IFNG-AS1: variants seen among roughly 807,000 people sequenced by gnomAD.
IFNG-AS1 encodes IFNG regulatory antisense RNA 1.
At chr12:67,992,173 G>T (rs555706538) in intron 1 of IFNG-AS1, among the ~76,000 whole-genome samples, 8 of 152,192 alleles carry the variant, frequency 5.3e-5, no homozygotes, top group African/African-American at 1.9e-4. Context: ...ATTGAGTATT[G>T]TTTTGTGTCC....
intron 2 of IFNG-AS1, among the ~76,000 whole-genome samples, chr12:68,005,348 A>C (rs1285685523): frequency 6.6e-6 from 1 of 152,212 alleles, no homozygotes; most frequent in African/African-American, 2.4e-5. Context: ...CTGCTGACTT[A>C]GCCACGATAC....
chr12:68,011,875 T>A (rs975769645), intron 3 of IFNG-AS1, among the ~76,000 whole-genome samples: 1 of 152,148 alleles, frequency 6.6e-6, no homozygotes, highest in Non-Finnish European at 1.5e-5. Flanking sequence ...TTAGAGAGAA[T>A]AGAGAAGCTT....
rs76042156 is a variant in IFNG-AS1 at position 68,003,607 on chromosome 12, C to T, written n.185-2483C>T. 1.5e-3 allele frequency among the ~76,000 whole-genome samples: 228 copies of T among 152,164 alleles called. 4 individuals are homozygous for T. The East Asian group carries it at 0.027, about 18-fold the overall frequency. ...TTCCCAAGCTTCAATGCCTCCCTTG[C>T]GCTAAAGCTTACAGAATCCGTATTA... On this transcript the variant is annotated intron_variant and non_coding_transcript_variant, in intron 2 of 5. Transcript: ENST00000536914.
At chr12:67,997,640 G>A (rs1879674127) in intron 2 of IFNG-AS1, among the ~76,000 whole-genome samples, 1 of 149,162 alleles carries the variant, frequency 6.7e-6, no homozygotes, top group Admixed American at 6.7e-5. Context: ...AAAAAAAAAA[G>A]ATTGACGAGT....
chr12:68,002,698 C>T (rs975195928), intron 2 of IFNG-AS1, among the ~76,000 whole-genome samples: 6 of 152,114 alleles, frequency 3.9e-5, no homozygotes, highest in Non-Finnish European at 7.4e-5. Flanking sequence ...TATCATTTCC[C>T]GCCTGCTCCC....
chr12:68,004,622 C>A (rs1879866076), intron 2 of IFNG-AS1, among the ~76,000 whole-genome samples: 1 of 152,226 alleles, frequency 6.6e-6, no homozygotes. Context: ...GTTGTGCCTT[C>A]CTTCTCTACA....
intron 3 of IFNG-AS1, among the ~76,000 whole-genome samples, chr12:68,016,237 C>T (rs921038567): frequency 2.0e-5 from 3 of 152,050 alleles, no homozygotes; most frequent in East Asian, 1.9e-4. Flanking sequence ...CGATGCATAC[C>T]GTGGAGTCAT....
rs371621323 is a variant in IFNG-AS1 at position 68,008,403 on chromosome 12, G to A, written n.241+2257G>A. Among the ~76,000 whole-genome samples the A allele has an allele frequency of 7.5e-5, 8 of 106,124 alleles. No homozygotes were observed. The East Asian group carries it at 8.1e-4, about 11-fold the overall frequency. 69.6% of individuals were successfully genotyped at this position (106,124 alleles called of 152,430 possible). On this transcript the variant is annotated intron_variant and non_coding_transcript_variant, in intron 3 of 5. Transcript: ENST00000536914. ...TGCACTCCAGCCTGGGCGACAGCAC[G>A]AGACACCATCTCAAAAAAAAAAAAA...
chr12:67,995,950 A>T (rs929976055), exon 2 of IFNG-AS1: 1 of 152,198 alleles, frequency 6.6e-6, no homozygotes, highest in African/African-American at 2.4e-5. Context: ...GAGTTTGAAA[A>T]GTTCATGACA....
intron 1 of IFNG-AS1, among the ~76,000 whole-genome samples, chr12:67,994,163 C>T (rs903834338): frequency 3.3e-5 from 5 of 152,134 alleles, no homozygotes; most frequent in African/African-American, 1.2e-4. Flanking sequence ...TGGGGTTGTC[C>T]TTTGGCTAAA....
intron 2 of IFNG-AS1, among the ~76,000 whole-genome samples, chr12:68,003,007 TTTAG>T (rs1294886313): frequency 1.3e-5 from 2 of 152,214 alleles, no homozygotes; most frequent in Non-Finnish European, 2.9e-5. Context: ...GCGTGTGTTA[TTTAG>T]TATGTTGCTT....
intron 2 of IFNG-AS1, among the ~76,000 whole-genome samples, chr12:67,997,819 A>T (rs1283022145): frequency 6.6e-6 from 1 of 151,986 alleles, no homozygotes; most frequent in Non-Finnish European, 1.5e-5. Flanking sequence ...GATTTTAAAA[A>T]AATATTGAAC....
At chr12:67,991,884 T>C (rs1879521588) in intron 1 of IFNG-AS1, among the ~76,000 whole-genome samples, 1 of 152,242 alleles carries the variant, frequency 6.6e-6, no homozygotes, top group Non-Finnish European at 1.5e-5. Context: ...TAGAGAAAAT[T>C]ATCTAGAATG....
intron 3 of IFNG-AS1, among the ~76,000 whole-genome samples, chr12:68,018,002 A>G (rs1349691630): frequency 1.3e-5 from 2 of 152,148 alleles, no homozygotes; most frequent in Non-Finnish European, 2.9e-5. Context: ...GCTTTAGCTC[A>G]TTCCCTGCCT....
rs558399434 is a variant in IFNG-AS1, at chr12:67,991,885, A to G, written n.51+2306A>G. The stretch of plus-strand genomic sequence containing the variant: ...AAATAGCTCAAGGATAGAGAAAATT[A>G]TCTAGAATGAAATAATAAGTGTCCA... On this transcript the variant is annotated intron_variant and non_coding_transcript_variant, in intron 1 of 5. Coordinates refer to ENST00000536914, the Ensembl canonical transcript of IFNG-AS1. Among the ~76,000 whole-genome samples, 69 of 152,376 alleles carry G rather than the reference A, an allele frequency of 4.5e-4. No individual in the cohort carries two copies. In the Middle Eastern group the frequency reaches 0.01, roughly 23 times the overall value.
intron 2 of IFNG-AS1, among the ~76,000 whole-genome samples, chr12:67,999,093 A>C (rs1022970297): frequency 1.3e-5 from 2 of 151,960 alleles, no homozygotes; most frequent in Non-Finnish European, 2.9e-5. Flanking sequence ...ACTGATGGTG[A>C]TAGATAGATG....
At chr12:68,017,283 G>A (rs183755198) in intron 3 of IFNG-AS1, among the ~76,000 whole-genome samples, 124 of 152,290 alleles carry the variant, frequency 8.1e-4, no homozygotes, top group Admixed American at 1.8e-3. Context: ...GCAGAGCCTC[G>A]TAAACCATGG....
intron 2 of IFNG-AS1, among the ~76,000 whole-genome samples, chr12:68,005,440 C>T (rs1044362611): frequency 5.6e-4 from 85 of 152,308 alleles, no homozygotes; most frequent in African/African-American, 2.0e-3. Flanking sequence ...CTTACACCCA[C>T]CTCTTTGGAA....
chr12:67,994,085 C>T (rs1375445317), intron 1 of IFNG-AS1, among the ~76,000 whole-genome samples: 1 of 152,158 alleles, frequency 6.6e-6, no homozygotes, highest in East Asian at 1.9e-4. Context: ...ACCTTCCAAG[C>T]ATTGGGAGGC....
Sources: gnomAD v4.1 joint callset for allele counts (sites outside exome capture counted in the v4.1 genomes callset) on GRCh38, gnomAD v4.1.1 for gene constraint, MANE v1.5 for transcripts, NCBI Gene and HGNC (gene_info 2026-07-23, HGNC 2026-07-21) for gene names.